ADK: variants seen among roughly 807,000 people sequenced by gnomAD.
ADK encodes the protein N6,N6-dimethyladenosine kinase.
ADK carries 24 observed loss-of-function variants against 44.7 expected under a neutral mutation model. The observed-to-expected ratio is 0.54, with a 90% CI of 0.39 to 0.76. The LOEUF is 0.76. ADK is among the 30% of genes least tolerant of loss of function. ADK has a pLI of 0.00. For synonymous variants in ADK, 128 were observed against 142.6 expected, an observed-to-expected ratio of 0.90 and a Z score of 0.73; for missense variants, 321 against 425.1, an observed-to-expected ratio of 0.76 and a Z score of 2.15.
intron 9 of ADK, chr10:74,655,556 G>A (rs1025643469): frequency 2.0e-6 from 1 of 489,908 alleles, no homozygotes; most frequent in Non-Finnish European, 4.1e-6. Context: ...ACCTTGGCTG[G>A]CTGGCCCCAA....
chr10:74,552,209 T>A (rs1309973650), intron 7 of ADK, among the ~76,000 whole-genome samples: 1 of 152,132 alleles, frequency 6.6e-6, no homozygotes, highest in African/African-American at 2.4e-5. Context: ...TTGTCCTGAT[T>A]AAATAGTGAA....
intron 6 of ADK, among the ~76,000 whole-genome samples, chr10:74,474,715 AT>A (rs1355641081): frequency 2.6e-5 from 4 of 151,896 alleles, no homozygotes; most frequent in African/African-American, 4.8e-5. Context: ...TGTAGATGGA[AT>A]TTCACTGTGT....
chr10:74,443,791 A>G (rs377263995), intron 6 of ADK, among the ~76,000 whole-genome samples: 54 of 152,302 alleles, frequency 3.5e-4, no homozygotes, highest in African/African-American at 1.2e-3. Flanking sequence ...CAAAGCATCC[A>G]AGGAGATTAA....
intron 4 of ADK, among the ~76,000 whole-genome samples, chr10:74,339,924 T>C (rs1366489045): frequency 6.6e-6 from 1 of 152,206 alleles, no homozygotes; most frequent in East Asian, 1.9e-4. Flanking sequence ...GAGGTTTCTT[T>C]ACTATATCAA....
chr10:74,653,507 C>CT (rs141601810), intron 9 of ADK, among the ~76,000 whole-genome samples: 7,470 of 151,572 alleles, frequency 0.049, 266 homozygotes, highest in African/African-American at 0.092. Flanking sequence ...ATTTCTGCAA[C>CT]TTTTTTTTTC....
intron 4 of ADK, among the ~76,000 whole-genome samples, chr10:74,368,871 G>C (rs981575366): frequency 6.6e-6 from 1 of 152,086 alleles, no homozygotes; most frequent in South Asian, 2.1e-4. Flanking sequence ...CAAGTGATCT[G>C]CCTGCCTTAG....
intron 9 of ADK, among the ~76,000 whole-genome samples, chr10:74,617,281 AT>A (rs1429996375): frequency 1.3e-5 from 2 of 152,184 alleles, no homozygotes; most frequent in Non-Finnish European, 2.9e-5. Flanking sequence ...TCAATATTTT[AT>A]CAAAAAGGAT....
intron 6 of ADK, among the ~76,000 whole-genome samples, chr10:74,480,447 T>C (rs2133348126): frequency 6.6e-6 from 1 of 152,184 alleles, no homozygotes; most frequent in South Asian, 2.1e-4. Context: ...GTTTTGTTTT[T>C]GTTTGTTTTT....
intron 7 of ADK, among the ~76,000 whole-genome samples, chr10:74,552,416 T>G (rs1013004539): frequency 6.6e-6 from 1 of 152,128 alleles, no homozygotes; most frequent in African/African-American, 2.4e-5. Flanking sequence ...TCTCCTATGG[T>G]TAAGGCAGTT....
At position 74,188,144 on chromosome 10, in the gene ADK, G is replaced by T. The variant is rs1316108885; in HGVS notation, c.66-12620G>T. On this transcript the variant is annotated intron_variant, in intron 1 of 10. Transcript: ENST00000539909. ...TTTTTAAATGAATTTATTCTCAATT[G>T]TTGAGTTGTTATAAAGTTCATAAAA... is the stretch of plus-strand genomic sequence containing the variant. Among the ~76,000 whole-genome samples, 4 of 152,012 alleles carry T rather than the reference G, an allele frequency of 2.6e-5. No individual in the cohort carries two copies. The East Asian group carries it at 7.7e-4, about 29-fold the overall frequency.
At chr10:74,235,457 C>T (rs1447836424) in intron 3 of ADK, among the ~76,000 whole-genome samples, 1 of 152,142 alleles carries the variant, frequency 6.6e-6, no homozygotes, top group African/African-American at 2.4e-5. Flanking sequence ...GTATGTGCCA[C>T]CACGCCTGGC....
intron 2 of ADK, among the ~76,000 whole-genome samples, chr10:74,202,190 TAATA>T (rs925641248): frequency 6.6e-6 from 1 of 152,192 alleles, no homozygotes; most frequent in Non-Finnish European, 1.5e-5. Context: ...AATCATATAA[TAATA>T]TATGATCTTT....
chr10:74,274,732 G>GTGTGTATATATATATATATA (rs1554836801), intron 3 of ADK, among the ~76,000 whole-genome samples: 4 of 84,202 alleles, frequency 4.8e-5, no homozygotes, highest in South Asian at 3.3e-4. Context: ...TTTAATGTGT[G>GTGTGTATATATATATATATA]TATATATATA....
At chr10:74,620,047 T>C (rs1852928422) in intron 9 of ADK, among the ~76,000 whole-genome samples, 1 of 152,202 alleles carries the variant, frequency 6.6e-6, no homozygotes, top group South Asian at 2.1e-4. Context: ...ATACATATAA[T>C]GTATGGTGAT....
chr10:74,231,654 T>C (rs751507787), intron 3 of ADK, among the ~76,000 whole-genome samples: 6 of 152,048 alleles, frequency 3.9e-5, no homozygotes, highest in Non-Finnish European at 8.8e-5. Context: ...TTTGTTGAGA[T>C]GGGGTCTTGC....
intron 4 of ADK, among the ~76,000 whole-genome samples, chr10:74,333,581 A>T (rs1355086113): frequency 4.6e-5 from 7 of 152,096 alleles, no homozygotes; most frequent in Admixed American, 3.9e-4. Flanking sequence ...CATGGTGGGG[A>T]GTATGAAGGG....
intron 1 of ADK, among the ~76,000 whole-genome samples, chr10:74,185,712 T>G (rs1056684910): frequency 1.3e-5 from 2 of 150,644 alleles, no homozygotes; most frequent in Non-Finnish European, 3.0e-5. Flanking sequence ...AGCGGGCGCC[T>G]GTAGTCCCAG....
intron 7 of ADK, among the ~76,000 whole-genome samples, chr10:74,549,150 T>G (rs756328067): frequency 1.6e-4 from 24 of 152,240 alleles, no homozygotes; most frequent in South Asian, 2.1e-4. Context: ...AATTGAATTT[T>G]TAATCATTCA....
At chr10:74,639,162 G>T (rs1288031779) in intron 9 of ADK, among the ~76,000 whole-genome samples, 1 of 152,166 alleles carries the variant, frequency 6.6e-6, no homozygotes, top group Non-Finnish European at 1.5e-5. Context: ...TATGTTAGAA[G>T]ACATAGGGGA....
Sources: gnomAD v4.1 joint callset for allele counts (sites outside exome capture counted in the v4.1 genomes callset) on GRCh38, gnomAD v4.1.1 for gene constraint, MANE v1.5 for transcripts, NCBI Gene and HGNC (gene_info 2026-07-23, HGNC 2026-07-21) for gene names.